Variants in CDH22 observed in about 807,000 individuals in gnomAD.
CDH22 encodes cadherin 22.
A neutral mutation model predicts 58.4 loss-of-function variants in CDH22; 30 were observed. That is an observed-to-expected ratio of 0.51 (90% CI 0.38 to 0.70). The LOEUF (loss-of-function observed/expected upper bound fraction) is 0.70. Ranked by LOEUF, CDH22 falls within the 30% of genes least tolerant of loss-of-function variation. The probability of loss-of-function intolerance (pLI) is 0.00; values close to 1 mark genes in which losing one functional copy is unlikely to be tolerated. For synonymous variants in CDH22, 513 were observed against 558.2 expected (o/e 0.92, Z 1.14); for missense variants, 1,014 against 1,233.9 (o/e 0.82, Z 2.67).
At chr20:46,202,268 A>T (rs1031117656) in intron 7 of CDH22, among the ~76,000 whole-genome samples, 4 of 152,038 alleles carry the variant, frequency 2.6e-5, no homozygotes, top group Admixed American at 6.5e-5. Flanking sequence ...TGAGCTAGTG[A>T]TGCCGATGCC....
intron 7 of CDH22, 117 bp from the exon 8 acceptor site, chr20:46,199,676 G>A (rs919354602): frequency 1.0e-4 from 130 of 1,274,064 alleles, no homozygotes; most frequent in Non-Finnish European, 1.4e-4. Context: ...CACACAAGGG[G>A]CAGAGAAACC....
At position 46,300,072 on chromosome 20, in the gene CDH22, G is replaced by A. The variant is rs1380531994; in HGVS notation, c.-400+8183C>T. The stretch of plus-strand genomic sequence containing the variant: ...TGAGACACCATAGGGCCCTGGGCAA[G>A]TTCCAGCCTCTCCCTGGGCCTCAGT... On this transcript the variant is annotated intron_variant, in intron 1 of 11. Coordinates refer to ENST00000537909, the MANE Select transcript of CDH22 (RefSeq NM_021248.3). This position sits in a 1 kb window ranked among gnomAD's most constrained non-coding sequence, Gnocchi z 4.4. 3.3e-5 allele frequency among the ~76,000 whole-genome samples: 5 copies of A among 152,178 alleles called. No homozygotes were observed. The highest frequency in any genetic ancestry group is 2.0e-4 in the Admixed American group (3 of 15,286).
chr20:46,211,828 CT>C (rs1327841804), intron 6 of CDH22, among the ~76,000 whole-genome samples: 1 of 151,932 alleles, frequency 6.6e-6, no homozygotes, highest in African/African-American at 2.4e-5. Context: ...GCTGGACCCC[CT>C]GAGCCCGTAT....
chr20:46,199,054 A>G (rs1036842775), intron 8 of CDH22, among the ~76,000 whole-genome samples: 3 of 152,228 alleles, frequency 2.0e-5, no homozygotes, highest in Admixed American at 2.0e-4. Context: ...CTTTTCTGTC[A>G]TGTTCAAGGC....
chr20:46,214,571 A>T (rs1044249462), intron 5 of CDH22, among the ~76,000 whole-genome samples: 3 of 152,106 alleles, frequency 2.0e-5, no homozygotes, highest in Admixed American at 6.5e-5. Context: ...CTCCAGCCTC[A>T]TCCTCCAATC....
chr20:46,225,587 T>C (rs2086165387), intron 4 of CDH22, among the ~76,000 whole-genome samples: 1 of 152,206 alleles, frequency 6.6e-6, no homozygotes, highest in African/African-American at 2.4e-5. Context: ...GGATACAGAC[T>C]AGGTGGCTGG....
Position 46,210,758 on chromosome 20 carries a change from G to A in CDH22, c.1033-198C>T, listed in dbSNP as rs1191473810. On this transcript the variant is annotated intron_variant, in intron 6 of 11. Coordinates refer to ENST00000537909, the MANE Select transcript of CDH22 (RefSeq NM_021248.3). The surrounding 1 kb of genome is among the most constrained non-coding windows in gnomAD (Gnocchi z 4.5). ...ACGGGTGGAGAAACTGAGGATCCTCGAGGACAGTCTTGCCTAAGGACACAG... is the reference window on the plus strand; with the variant it reads ...ACGGGTGGAGAAACTGAGGATCCTCAAGGACAGTCTTGCCTAAGGACACAG... Among the ~76,000 whole-genome samples, 2 of 152,160 alleles carry A rather than the reference G, an allele frequency of 1.3e-5. No homozygotes were observed. The highest frequency in any genetic ancestry group is 2.9e-5 in the Non-Finnish European group (2 of 68,022).
Position 46,300,255 on chromosome 20 carries a change from T to C in CDH22, c.-400+8000A>G, listed in dbSNP as rs533077603. Among the ~76,000 whole-genome samples the C allele has an allele frequency of 1.2e-3, 188 of 152,292 alleles. No individual in the cohort carries two copies. Among genetic ancestry groups the C allele is most frequent in the African/African-American group, 4.3e-3 (179 of 41,550 alleles). ...GGCTGCCTCTCCCAGGAACTCTCTG[T>C]TGTCCCTGAATACACAATTTCAGCC... On this transcript the variant is annotated intron_variant, in intron 1 of 11. Coordinates refer to ENST00000537909, the MANE Select transcript of CDH22 (RefSeq NM_021248.3). This position sits in a 1 kb window ranked among gnomAD's most constrained non-coding sequence, Gnocchi z 4.4.
At chr20:46,188,999 G>A (rs1397205564) in intron 8 of CDH22, among the ~76,000 whole-genome samples, 1 of 152,144 alleles carries the variant, frequency 6.6e-6, no homozygotes, top group Admixed American at 6.6e-5. Context: ...AGTGGGACTG[G>A]TCGGCTGCCT....
At chr20:46,248,734 C>T (rs1412517263) in intron 2 of CDH22, among the ~76,000 whole-genome samples, 1 of 152,178 alleles carries the variant, frequency 6.6e-6, no homozygotes, top group Non-Finnish European at 1.5e-5. Context: ...ATCGCTTGAA[C>T]CTGGCCGAGG....
intron 10 of CDH22, among the ~76,000 whole-genome samples, chr20:46,182,083 G>A (rs1220253477): frequency 6.6e-6 from 1 of 152,102 alleles, no homozygotes. Context: ...CTCCCAAAGT[G>A]CCATGATTAC....
intron 5 of CDH22, among the ~76,000 whole-genome samples, chr20:46,215,290 T>C (rs992381892): frequency 6.6e-6 from 1 of 152,204 alleles, no homozygotes; most frequent in Admixed American, 6.5e-5. Context: ...GAATAGATAA[T>C]TATGGAATAC....
chr20:46,217,988 G>A (rs977948425), intron 4 of CDH22, among the ~76,000 whole-genome samples: 4 of 150,964 alleles, frequency 2.6e-5, no homozygotes, highest in African/African-American at 4.9e-5. Context: ...GTGCAGTGGC[G>A]CGATCTCAGC....
chr20:46,174,607 C>T lies in CDH22; in HGVS notation c.2386G>A (p.Glu796Lys). 13 of 1,538,160 alleles carry T rather than the reference C, an allele frequency of 8.5e-6. No individual in the cohort carries two copies. The highest frequency in any genetic ancestry group is 9.6e-6 in the Non-Finnish European group (11 of 1,146,924). The change falls in exon 12 of 12, where the codon GAG becomes AAG. Residue 796 changes from glutamate (E) to lysine (K), a missense_variant. Glu to Lys is a moderately conservative substitution (Grantham distance 56). Coordinates refer to ENST00000537909, the MANE Select transcript of CDH22 (RefSeq NM_021248.3). The surrounding 1 kb of genome is among the most constrained non-coding windows in gnomAD (Gnocchi z 4.4). ...SSLHSGSSGS[E>K]QDFAYLSSWG... ...CTGCTGAGATAGGCGAAGTCCTGCT[C>T]GGAGCCCGACGAGCCGCTGTGCAGG...
At chr20:46,184,580 C>T (rs1473132235) in intron 10 of CDH22, among the ~76,000 whole-genome samples, 2 of 152,222 alleles carry the variant, frequency 1.3e-5, no homozygotes, top group African/African-American at 4.8e-5. Context: ...TCTGTCTCAC[C>T]TCACTAGAAT....
intron 1 of CDH22, among the ~76,000 whole-genome samples, chr20:46,286,123 C>T (rs968209577): frequency 2.6e-5 from 4 of 152,150 alleles, no homozygotes; most frequent in Non-Finnish European, 5.9e-5. Context: ...GGGGAGAAAA[C>T]TAAGACATTA....
intron 1 of CDH22, among the ~76,000 whole-genome samples, chr20:46,296,011 C>A (rs1468832053): frequency 1.3e-5 from 2 of 152,222 alleles, no homozygotes; most frequent in Non-Finnish European, 2.9e-5. Flanking sequence ...GATCCTCCTG[C>A]CTCGGCCTCT....
At position 46,210,094 on chromosome 20, in the gene CDH22, C is replaced by G; in HGVS notation, c.1286+213G>C. On this transcript the variant is annotated intron_variant, in intron 7 of 11. Coordinates refer to ENST00000537909, the MANE Select transcript of CDH22 (RefSeq NM_021248.3). This position sits in a 1 kb window ranked among gnomAD's most constrained non-coding sequence, Gnocchi z 4.5. ...TTATTGGCCTGGCTCGCCTGCCTGT[C>G]TCATTGACTGTTCTCACATCTGCTT... The G allele has an allele frequency of 2.2e-6, 1 of 464,326 alleles. No homozygotes were observed. The highest frequency in any genetic ancestry group is 3.7e-6 in the Non-Finnish European group (1 of 268,068). 28.8% of individuals were successfully genotyped at this position (464,326 alleles called of 1,614,324 possible).
chr20:46,239,213 T>C (rs1762495786), intron 3 of CDH22, among the ~76,000 whole-genome samples: 1 of 152,242 alleles, frequency 6.6e-6, no homozygotes, highest in South Asian at 2.1e-4. Context: ...GGGCCTAGCA[T>C]GTAGTATGCA....
Sources: allele counts gnomAD v4.1 joint callset (sites outside exome capture counted in the v4.1 genomes callset), GRCh38; gene constraint gnomAD v4.1.1; non-coding constraint Gnocchi (gnomAD v3.1); transcripts MANE v1.5; gene names NCBI Gene and HGNC (gene_info 2026-07-23, HGNC 2026-07-21).